The following CREBBP variants were observed in gnomAD, a reference collection of about 807,000 sequenced individuals.
CREBBP encodes CREB binding lysine acetyltransferase, also known as CREB-binding protein.
CREBBP carries 19 observed loss-of-function variants against 265.0 expected under a neutral mutation model. That is an observed-to-expected ratio of 0.07 (90% CI 0.05 to 0.11). The LOEUF (loss-of-function observed/expected upper bound fraction) is 0.11. Ranked by LOEUF, CREBBP falls within the 10% of genes least tolerant of loss-of-function variation. The probability of loss-of-function intolerance (pLI) is 1.00; values close to 1 mark genes in which losing one functional copy is unlikely to be tolerated. For synonymous variants in CREBBP, 1,457 were observed against 1,223.7 expected, an observed-to-expected ratio of 1.19 and a Z score of -3.98; for missense variants, 2,525 against 3,219.0, an observed-to-expected ratio of 0.78 and a Z score of 5.22.
chr16:3,746,359 AAC>A (rs1290042737), intron 21 of CREBBP, among the ~76,000 whole-genome samples: 5 of 151,556 alleles, frequency 3.3e-5, no homozygotes, highest in Admixed American at 3.3e-4. Flanking sequence ...TGAAAAAAAA[AAC>A]ACACACACAC....
chr16:3,814,186 T>C (rs1207550484), intron 2 of CREBBP, among the ~76,000 whole-genome samples: 4 of 149,502 alleles, frequency 2.7e-5, no homozygotes, highest in Non-Finnish European at 5.9e-5. Flanking sequence ...TGTGTGTGTG[T>C]GTGTGTGTGT....
At chr16:3,799,035 A>G (rs913892685) in intron 3 of CREBBP, among the ~76,000 whole-genome samples, 1 of 152,184 alleles carries the variant, frequency 6.6e-6, no homozygotes, top group Admixed American at 6.5e-5. Context: ...TACAACATGA[A>G]CTCCGAAAAC....
chr16:3,827,032 G>A (rs995763966), intron 2 of CREBBP, among the ~76,000 whole-genome samples: 2 of 152,152 alleles, frequency 1.3e-5, no homozygotes, highest in African/African-American at 4.8e-5. Flanking sequence ...TGCACCGCCT[G>A]TAGTTTCATC....
intron 2 of CREBBP, among the ~76,000 whole-genome samples, chr16:3,823,273 A>G (rs1214087159): frequency 6.6e-6 from 1 of 152,230 alleles, no homozygotes; most frequent in Non-Finnish European, 1.5e-5. Context: ...CCAAAATGGC[A>G]AGACGACCCT....
At chr16:3,817,199 T>C (rs2054054983) in intron 2 of CREBBP, among the ~76,000 whole-genome samples, 1 of 152,090 alleles carries the variant, frequency 6.6e-6, no homozygotes, top group Non-Finnish European at 1.5e-5. Flanking sequence ...CTGTGCTACA[T>C]CTTTGGGCCA....
At chr16:3,791,597 T>C (rs1312052068) in intron 5 of CREBBP, among the ~76,000 whole-genome samples, 3 of 152,158 alleles carry the variant, frequency 2.0e-5, no homozygotes, top group Non-Finnish European at 4.4e-5. Context: ...TCTATCCCCC[T>C]CCCTAAGACG....
At chr16:3,795,686 C>A (rs977693959) in intron 3 of CREBBP, among the ~76,000 whole-genome samples, 1 of 152,112 alleles carries the variant, frequency 6.6e-6, no homozygotes, top group Non-Finnish European at 1.5e-5. Context: ...TGCAAGCATG[C>A]AGTACTGGTG....
chr16:3,850,544 G>A lies in CREBBP; in HGVS notation c.551C>T (p.Thr184Ile), dbSNP rs2141492183. The A allele has an allele frequency of 6.2e-7, 1 of 1,614,222 alleles. No individual in the cohort carries two copies. Among genetic ancestry groups the A allele is most frequent in the Non-Finnish European group, 8.5e-7 (1 of 1,180,046 alleles). The change falls in exon 2 of 31, where the codon ACC (threonine) becomes ATC (isoleucine). Residue 184 changes from threonine to isoleucine, a missense_variant. Transcript: ENST00000262367. The stretch of plus-strand genomic sequence containing the variant: ...GTTACTATTGAGGAGGCCTGGGTGG[G>A]TCTGGTTAAAGTTAGCATTCATGCA... ...GICMNANFNQ[T>I]HPGLLNSNSG...
intron 8 of CREBBP, 25 bp from the exon 9 acceptor site, chr16:3,778,842 A>C (rs2141238731): frequency 6.2e-7 from 1 of 1,601,418 alleles, no homozygotes; most frequent in East Asian, 2.2e-5. Flanking sequence ...CATCTATCAA[A>C]CTACTTTTTT....
chr16:3,793,683 T>G, intron 3 of CREBBP, 57 bp from the exon 4 acceptor site: 1 of 1,577,380 alleles, frequency 6.3e-7, no homozygotes, highest in East Asian at 2.3e-5. Flanking sequence ...CAAGTCATAT[T>G]CATTAATTAT....
chr16:3,729,036 C>T lies in CREBBP; in HGVS notation c.6011G>A (p.Arg2004Gln), dbSNP rs1279369054. The T allele has an allele frequency of 1.1e-5, 17 of 1,589,058 alleles. No individual in the cohort carries two copies. The highest frequency in any genetic ancestry group is 2.3e-5 in the East Asian group (1 of 44,020). The change falls in exon 31 of 31, where the codon CGA becomes CAA. Residue 2004 changes from arginine (R) to glutamine (Q), a missense_variant. Coordinates refer to ENST00000262367, the MANE Select transcript of CREBBP (RefSeq NM_004380.3). ...QMAPVSLNVPRPNQVSGPVMP... is the reference protein window; with the variant it reads ...QMAPVSLNVPQPNQVSGPVMP... Reference sequence around the variant, plus strand: ...GACGGGCCCGCTCACCTGGTTGGGTCGGGGCACATTCAGGCTCACGGGGGC... The same window carrying T: ...GACGGGCCCGCTCACCTGGTTGGGTTGGGGCACATTCAGGCTCACGGGGGC...
intron 2 of CREBBP, among the ~76,000 whole-genome samples, chr16:3,839,012 CTAAGAA>C (rs1423768457): frequency 5.3e-5 from 8 of 152,206 alleles, no homozygotes; most frequent in African/African-American, 1.7e-4. Flanking sequence ...TATGCATATA[CTAAGAA>C]TGTTACATAC....
intron 21 of CREBBP, among the ~76,000 whole-genome samples, chr16:3,749,247 T>A (rs1231228746): frequency 6.6e-6 from 1 of 152,224 alleles, no homozygotes; most frequent in Non-Finnish European, 1.5e-5. Context: ...TCCAAGAGGT[T>A]TTCTTTCTGG....
In CREBBP at chr16:3,728,614, T is replaced by C. The variant is rs758386187; in HGVS notation, c.6433A>G (p.Met2145Val). 13 of 1,613,624 alleles carry C rather than the reference T, an allele frequency of 8.1e-6. No homozygotes were observed. The African/African-American group carries it at 1.7e-4, about 22-fold the overall frequency. ...QQPSLQNLNAMQAGVPRPGVP... is the reference protein window; with the variant it reads ...QQPSLQNLNAVQAGVPRPGVP... The stretch of plus-strand genomic sequence containing the variant: ...CCGGGCCGCGGCACGCCAGCCTGCA[T>C]GGCATTCAGGTTCTGCAGGCTGGGC... Residue 2145 changes from methionine (M) to valine (V), a missense_variant, in exon 31 of 31, where the codon ATG (methionine) becomes GTG (valine). Coordinates refer to ENST00000262367, the MANE Select transcript of CREBBP (RefSeq NM_004380.3). The surrounding 1 kb of genome is among the most constrained non-coding windows in gnomAD (Gnocchi z 8.7).
chr16:3,753,103 T>C (rs115253942), intron 19 of CREBBP, among the ~76,000 whole-genome samples: 1 of 152,168 alleles, frequency 6.6e-6, no homozygotes, highest in South Asian at 2.1e-4. Flanking sequence ...CAGGAAGGAT[T>C]AGTATTAAAA....
chr16:3,731,298 A>C lies in CREBBP; in HGVS notation c.5066T>G (p.Leu1689Arg). The C allele has an allele frequency of 6.2e-7, 1 of 1,614,154 alleles. No individual in the cohort carries two copies. The highest frequency in any genetic ancestry group is 1.7e-5 in the Admixed American group (1 of 60,018). Reference sequence around the variant, plus strand: ...GGTGTGCAGCTCCACCAGCATGCAGAGCGTGGACCACTTGGAGCGGCGCAA... The same window carrying C: ...GGTGTGCAGCTCCACCAGCATGCAGCGCGTGGACCACTTGGAGCGGCGCAA... Reference protein sequence around the residue: ...SSLRRSKWSTLCMLVELHTQG... With the variant: ...SSLRRSKWSTRCMLVELHTQG... The change falls in exon 30 of 31, where the codon CTC (leucine) becomes CGC (arginine). Residue 1689 changes from leucine to arginine, a missense_variant. Leu to Arg is a moderately radical substitution (Grantham distance 102). Around this residue, in one of 19 missense-constraint regions of CREBBP, gnomAD observed 62 missense variants for 156.2 expected, o/e 0.40. Coordinates refer to ENST00000262367, the MANE Select transcript of CREBBP (RefSeq NM_004380.3). This position sits in a 1 kb window ranked among gnomAD's most constrained non-coding sequence, Gnocchi z 7.7.
intron 2 of CREBBP, among the ~76,000 whole-genome samples, chr16:3,843,758 A>G (rs2054610015): frequency 6.6e-6 from 1 of 152,114 alleles, no homozygotes. Flanking sequence ...TAGGGAAAAA[A>G]AGGCTTCAGG....
At chr16:3,757,721 TATACAG>T in intron 18 of CREBBP, 82 bp downstream of exon 18, 1 of 1,562,672 alleles carries the variant, frequency 6.4e-7, no homozygotes, top group Non-Finnish European at 8.7e-7. Flanking sequence ...GCACTCCCAG[TATACAG>T]GCGTGGTCTC....
chr16:3,812,951 C>G (rs1275792189), intron 2 of CREBBP: 2 of 210,790 alleles, frequency 9.5e-6, no homozygotes, highest in Non-Finnish European at 1.9e-5. Flanking sequence ...GTGACTGCCA[C>G]GCCAGCATGT....
Sources: gnomAD v4.1 joint callset for allele counts (sites outside exome capture counted in the v4.1 genomes callset) on GRCh38, gnomAD v4.1.1 for gene constraint, gnomAD v4.1.1 regional missense constraint, Gnocchi (gnomAD v3.1) non-coding constraint, MANE v1.5 for transcripts, NCBI Gene and HGNC (gene_info 2026-07-23, HGNC 2026-07-21) for gene names.